PCDH9: variants seen among roughly 807,000 people sequenced by gnomAD.
The protein encoded by PCDH9 is protocadherin-9.
PCDH9 carries 24 observed loss-of-function variants against 70.6 expected under a neutral mutation model. The observed-to-expected ratio is 0.34, with a 90% CI of 0.25 to 0.48. The LOEUF (loss-of-function observed/expected upper bound fraction) is 0.48. Ranked by LOEUF, PCDH9 falls within the 20% of genes least tolerant of loss-of-function variation. PCDH9 has a pLI of 0.99. For missense variants in PCDH9, 1,281 were observed against 1,503.6 expected, an observed-to-expected ratio of 0.85 and a Z score of 2.45; for synonymous variants, 562 against 558.5, an observed-to-expected ratio of 1.01 and a Z score of -0.09.
chr13:66,641,056 G>A (rs2077702515), intron 3 of PCDH9, among the ~76,000 whole-genome samples: 1 of 151,952 alleles, frequency 6.6e-6, no homozygotes. Flanking sequence ...TGTATTTTTA[G>A]TAGAGATGGA....
At position 67,219,474 on chromosome 13, in the gene PCDH9, TG is replaced by T. The variant is rs1205683498; in HGVS notation, c.3036+5930del. The T allele has an allele frequency of 9.9e-5, 15 of 152,166 alleles. 1 individual carries two copies. The South Asian group carries it at 2.5e-3, about 25-fold the overall frequency. The allele number at this position is 152,166 out of a possible 1,614,324, so 9.4% of individuals were successfully genotyped here. A position where few individuals can be genotyped will look rare whatever the true frequency, so the allele number is the denominator to read the frequency against. ...ACATGAGAGATCCTATTTTTACATT[TG>T]TCTTTACTTCTGTAGTATAATGTAG... On this transcript the variant is annotated intron_variant, in intron 2 of 4. Coordinates refer to ENST00000377865, the MANE Select transcript of PCDH9 (RefSeq NM_203487.3).
At chr13:66,765,071 CCT>C (rs2079692496) in intron 3 of PCDH9, among the ~76,000 whole-genome samples, 2 of 51,878 alleles carry the variant, frequency 3.9e-5, no homozygotes, top group Non-Finnish European at 7.7e-5. Flanking sequence ...TCTGTCTCTG[CCT>C]CTGTCTGTCT....
chr13:67,209,357 T>G (rs2089423473), intron 2 of PCDH9: 1 of 152,152 alleles, frequency 6.6e-6, no homozygotes, highest in South Asian at 2.1e-4. Context: ...ATTCAGGGTG[T>G]GAGCATTAAA....
At chr13:66,801,612 T>C (rs553405562) in intron 3 of PCDH9, among the ~76,000 whole-genome samples, 158 of 152,200 alleles carry the variant, frequency 1.0e-3, no homozygotes, top group Middle Eastern at 3.4e-3. Context: ...GGGGAAAATC[T>C]GCTTTCAAAA....
intron 3 of PCDH9, among the ~76,000 whole-genome samples, chr13:66,658,650 C>T (rs2077964727): frequency 1.3e-5 from 2 of 152,150 alleles, no homozygotes; most frequent in South Asian, 4.2e-4. Context: ...TCTATACATT[C>T]TAGGTTCAGG....
At chr13:67,163,133 G>A (rs976680804) in intron 2 of PCDH9, among the ~76,000 whole-genome samples, 2 of 152,258 alleles carry the variant, frequency 1.3e-5, no homozygotes, top group South Asian at 2.1e-4. Context: ...AACTCCGTGT[G>A]CATGAATGAG....
At chr13:67,108,968 T>C (rs184117674) in intron 2 of PCDH9, among the ~76,000 whole-genome samples, 2 of 152,192 alleles carry the variant, frequency 1.3e-5, no homozygotes, top group African/African-American at 4.8e-5. Context: ...CCATGTCAGA[T>C]TCAGTCAATT....
chr13:66,649,016 GAC>G (rs1271565080), intron 3 of PCDH9, among the ~76,000 whole-genome samples: 2 of 151,874 alleles, frequency 1.3e-5, no homozygotes. Context: ...TGTCAGAAGA[GAC>G]AAAAAACGAA....
intron 3 of PCDH9, chr13:66,876,876 T>C (rs1826284501): frequency 6.6e-6 from 1 of 152,078 alleles, no homozygotes; most frequent in Non-Finnish European, 1.5e-5. Context: ...GTCCAGGAAA[T>C]CAGACAGCTC....
chr13:66,366,405 A>G (rs965434869), intron 4 of PCDH9, among the ~76,000 whole-genome samples: 1 of 151,852 alleles, frequency 6.6e-6, no homozygotes, highest in Non-Finnish European at 1.5e-5. Context: ...AGAATCTGTT[A>G]TTTTTCTCTT....
chr13:66,429,185 G>A (rs899413872), intron 4 of PCDH9, among the ~76,000 whole-genome samples: 3 of 151,826 alleles, frequency 2.0e-5, no homozygotes, highest in African/African-American at 7.3e-5. Context: ...TAGCAAAGAA[G>A]GAGACTGTAT....
rs192106730 is a variant in PCDH9, at chr13:66,919,100, A to G, written c.3037-15495T>C. ...ACATACTTCACGTTGGTGTTTCTCA[A>G]GTCTATATTATTGGTTATTTTATCT... On this transcript the variant is annotated intron_variant, in intron 2 of 4. Transcript: ENST00000377865. Among the ~76,000 whole-genome samples the G allele has an allele frequency of 2.6e-5, 4 of 151,084 alleles. No homozygotes were observed. The Admixed American group carries it at 2.7e-4, about 10-fold the overall frequency.
chr13:66,829,947 T>C (rs2080896920), intron 3 of PCDH9, among the ~76,000 whole-genome samples: 1 of 20,858 alleles, frequency 4.8e-5, no homozygotes. Flanking sequence ...GAATAGAAAA[T>C]TGTTCCAACT....
chr13:66,613,156 CCACT>C (rs1397014794), intron 4 of PCDH9, among the ~76,000 whole-genome samples: 1 of 152,170 alleles, frequency 6.6e-6, no homozygotes, highest in Non-Finnish European at 1.5e-5. Context: ...CCCTCCACTT[CCACT>C]CCCTGCCAGG....
At chr13:67,153,296 G>A (rs938302728) in intron 2 of PCDH9, among the ~76,000 whole-genome samples, 5 of 151,960 alleles carry the variant, frequency 3.3e-5, no homozygotes, top group Admixed American at 1.3e-4. Flanking sequence ...TCAGTAGCTG[G>A]AACTGGAACT....
intron 2 of PCDH9, among the ~76,000 whole-genome samples, chr13:67,034,143 C>T (rs904200927): frequency 8.6e-5 from 13 of 152,036 alleles, no homozygotes; most frequent in African/African-American, 3.1e-4. Context: ...TGCCACCACA[C>T]CTGGCTAATT....
chr13:66,707,600 T>C (rs1850661092), intron 3 of PCDH9, among the ~76,000 whole-genome samples: 1 of 152,124 alleles, frequency 6.6e-6, no homozygotes. Context: ...ATTAATTAAC[T>C]CATCAATGGA....
chr13:66,328,922 C>G (rs968499535), intron 4 of PCDH9, among the ~76,000 whole-genome samples: 1 of 152,112 alleles, frequency 6.6e-6, no homozygotes, highest in Non-Finnish European at 1.5e-5. Context: ...TTCTTTTTGT[C>G]TCTGAACTAC....
At chr13:67,225,341 G>A (rs1351502291) in intron 2 of PCDH9, 64 bp downstream of exon 2, 5 of 1,509,462 alleles carry the variant, frequency 3.3e-6, no homozygotes, top group Non-Finnish European at 4.6e-6. Flanking sequence ...ATACTGGCAC[G>A]TTAATACTGG....
Sources: allele counts gnomAD v4.1 joint callset (sites outside exome capture counted in the v4.1 genomes callset), GRCh38; gene constraint gnomAD v4.1.1; transcripts MANE v1.5; gene names NCBI Gene and HGNC (gene_info 2026-07-23, HGNC 2026-07-21).